The following SLITRK1 variants were observed in gnomAD, a reference collection of about 807,000 sequenced individuals.
The protein encoded by SLITRK1 is SLIT and NTRK like family member 1.
A neutral mutation model predicts 42.4 loss-of-function variants in SLITRK1; 10 were observed. That is an observed-to-expected ratio of 0.24 (90% confidence interval 0.15 to 0.40). The LOEUF is 0.40. SLITRK1 is among the 10% of genes least tolerant of loss of function. SLITRK1 has a pLI of 1.00. For synonymous variants in SLITRK1, 389 were observed against 365.7 expected (o/e 1.06, Z -0.73); for missense variants, 778 against 848.8 (o/e 0.92, Z 1.04).
chr13:83,881,469 A>G lies in SLITRK1; in HGVS notation c.39T>C (p.Cys13=). The change falls in exon 2 of 2, where the codon TGT becomes TGC. Residue 13 remains cysteine (C), a synonymous_variant. Coordinates refer to ENST00000674365, the MANE Select transcript of SLITRK1 (RefSeq NM_001281503.2). The part of the protein sequence containing the change: ...LWILLLETSL[C]FAAGNVTGDV... ...CCCCTGTAACGTTTCCAGCGGCAAAACAAAGAGACGTCTCCAGCAACAGAA... is the reference window on the plus strand; with the variant it reads ...CCCCTGTAACGTTTCCAGCGGCAAAGCAAAGAGACGTCTCCAGCAACAGAA... 6.2e-7 allele frequency: 1 copy of G among 1,614,014 alleles called. No homozygotes were observed. Among genetic ancestry groups the G allele is most frequent in the Non-Finnish European group, 8.5e-7 (1 of 1,180,024 alleles).
Position 83,879,949 on chromosome 13 carries a change from G to A in SLITRK1, c.1559C>T (p.Ser520Phe). Residue 520 changes from serine to phenylalanine, a missense_variant, in exon 2 of 2, where the codon TCC (serine) becomes TTC (phenylalanine). Coordinates refer to ENST00000674365, the MANE Select transcript of SLITRK1 (RefSeq NM_001281503.2). ...TCCGTGGAGGTCTATCTGGATGATG[G>A]AGGTTAACTGGTCCAGCACCCCTGC... ...PVAGVLDQLT[S>F]IIQIDLHGNP... is the part of the protein sequence containing the mutation. The A allele has an allele frequency of 6.2e-7, 1 of 1,614,076 alleles. No homozygotes were observed. The highest frequency in any genetic ancestry group is 8.5e-7 in the Non-Finnish European group (1 of 1,180,022).
Position 83,878,257 on chromosome 13 carries a change from C to T in SLITRK1, c.*1160G>A, listed in dbSNP as rs9602286. Reference sequence around the variant, plus strand: ...GGACCCAGAGTTGAAAACATTTTCGCTTTAATACTGAAAAAATATGCCATT... The same window carrying T: ...GGACCCAGAGTTGAAAACATTTTCGTTTTAATACTGAAAAAATATGCCATT... On this transcript the variant is annotated 3_prime_UTR_variant, in exon 2 of 2. Coordinates refer to ENST00000674365, the MANE Select transcript of SLITRK1 (RefSeq NM_001281503.2). 8,287 of 152,532 alleles carry T rather than the reference C, an allele frequency of 0.054. 483 individuals are homozygous for T. The highest frequency in any genetic ancestry group is 0.14 in the African/African-American group (5,923 of 41,466). The allele number at this position is 152,532 out of a possible 1,614,324, so 9.4% of individuals were successfully genotyped here. A position where few individuals can be genotyped will look rare whatever the true frequency, so the allele number is the denominator to read the frequency against.
rs1254941771 is a variant in SLITRK1, at chr13:83,879,234, G to A, written c.*183C>T. ...CTCCACAGTCTGCTCTTTGTTTCAAGGAGGGAGCTAAGTAAGGGGTCAGGC... is the reference window on the plus strand; with the variant it reads ...CTCCACAGTCTGCTCTTTGTTTCAAAGAGGGAGCTAAGTAAGGGGTCAGGC... On this transcript the variant is annotated 3_prime_UTR_variant, in exon 2 of 2. Transcript: ENST00000674365. 1.4e-5 allele frequency: 10 copies of A among 691,776 alleles called. No individual in the cohort carries two copies. Among genetic ancestry groups the A allele is most frequent in the Non-Finnish European group, 2.4e-5 (10 of 411,176 alleles). 42.9% of individuals were successfully genotyped at this position (691,776 alleles called of 1,614,324 possible). A position where few individuals can be genotyped will look rare whatever the true frequency, so the allele number is the denominator to read the frequency against.
rs1212752482 is a variant in SLITRK1 at position 83,880,238 on chromosome 13, C to T, written c.1270G>A (p.Asp424Asn). 1 of 1,613,980 alleles carries T rather than the reference C, an allele frequency of 6.2e-7. No homozygotes were observed. The highest frequency in any genetic ancestry group is 8.5e-7 in the Non-Finnish European group (1 of 1,180,020). The change falls in exon 2 of 2, where the codon GAC (aspartate) becomes AAC (asparagine). Residue 424 changes from aspartate (D) to asparagine (N), a missense_variant. Around this residue, in one of 4 missense-constraint regions of SLITRK1, gnomAD observed 395 missense variants for 360.4 expected, o/e 1.10. Coordinates refer to ENST00000674365, the MANE Select transcript of SLITRK1 (RefSeq NM_001281503.2). ...VENNTFKNLL[D>N]LRWLYMDSNY... ...CTATCCATGTATAGCCACCTGAGGT[C>T]CAAAAGGTTCTTGAAAGTGTTGTTC...
In SLITRK1 at chr13:83,879,724, T is replaced by C; in HGVS notation, c.1784A>G (p.Asn595Ser). 6.2e-7 allele frequency: 1 copy of C among 1,613,732 alleles called. No homozygotes were observed. Among genetic ancestry groups the C allele is most frequent in the Non-Finnish European group, 8.5e-7 (1 of 1,179,956 alleles). Reference sequence around the variant, plus strand: ...CCCGGTCTCCGCCAACCCAGTGCTGTTTTTACTGTGCGAAGTTAACGTGGG... The same window carrying C: ...CCCGGTCTCCGCCAACCCAGTGCTGCTTTTACTGTGCGAAGTTAACGTGGG... The part of the protein sequence containing the change: ...ISPTLTSHSK[N>S]STGLAETGTH... The change falls in exon 2 of 2, where the codon AAC becomes AGC. Residue 595 changes from asparagine to serine, a missense_variant. Around this residue, in one of 4 missense-constraint regions of SLITRK1, gnomAD observed 164 missense variants for 158.2 expected, o/e 1.04. Coordinates refer to ENST00000674365, the MANE Select transcript of SLITRK1 (RefSeq NM_001281503.2).
At position 83,879,697 on chromosome 13, in the gene SLITRK1, G is replaced by T. The variant is rs766912287; in HGVS notation, c.1811C>A (p.Thr604Lys). Residue 604 changes from threonine to lysine, a missense_variant, in exon 2 of 2, where the codon ACG becomes AAG. Thr to Lys is a moderately conservative substitution (Grantham distance 78). Coordinates refer to ENST00000674365, the MANE Select transcript of SLITRK1 (RefSeq NM_001281503.2). ...KNSTGLAETG[T>K]HSNSYLDTSR... ...GGTGTCTAGGTAGGAGTTGGAGTGC[G>T]TCCCGGTCTCCGCCAACCCAGTGCT... 9 of 1,613,826 alleles carry T rather than the reference G, an allele frequency of 5.6e-6. No individual in the cohort carries two copies. The highest frequency in any genetic ancestry group is 7.6e-6 in the Non-Finnish European group (9 of 1,180,002).
chr13:83,881,075 T>C lies in SLITRK1; in HGVS notation c.433A>G (p.Ile145Val). 1.2e-6 allele frequency: 2 copies of C among 1,614,066 alleles called. No homozygotes were observed. The highest frequency in any genetic ancestry group is 1.7e-6 in the Non-Finnish European group (2 of 1,180,024). ...LQADFNLLRDIDPGAFQDLNK... is the reference protein window; with the variant it reads ...LQADFNLLRDVDPGAFQDLNK... ...AAGTCCTGGAAGGCCCCCGGGTCTATATCTCGTAATAAATTAAAATCAGCC... is the reference window on the plus strand; with the variant it reads ...AAGTCCTGGAAGGCCCCCGGGTCTACATCTCGTAATAAATTAAAATCAGCC... Residue 145 changes from isoleucine to valine, a missense_variant, in exon 2 of 2, where the codon ATA becomes GTA. Ile to Val is a conservative substitution (Grantham distance 29, BLOSUM62 3). Around this residue, in one of 4 missense-constraint regions of SLITRK1, gnomAD observed 204 missense variants for 295.3 expected, o/e 0.69. Coordinates refer to ENST00000674365, the MANE Select transcript of SLITRK1 (RefSeq NM_001281503.2).
chr13:83,881,638 G>T, intron 1 of SLITRK1, 78 bp from the exon 2 acceptor site: 2 of 1,049,394 alleles, frequency 1.9e-6, no homozygotes, highest in South Asian at 1.4e-5. Context: ...AAAGGGTTTG[G>T]GGGGGTGGGG....
chr13:83,877,630 G>A lies in SLITRK1; in HGVS notation c.*1787C>T, dbSNP rs1594116260. The A allele has an allele frequency of 8.4e-6, 1 of 118,652 alleles. No individual in the cohort carries two copies. The highest frequency in any genetic ancestry group is 1.6e-5 in the Non-Finnish European group (1 of 62,450). The allele number at this position is 118,652 out of a possible 1,614,324, so 7.3% of individuals were successfully genotyped here. ...GAGAGAAACACTTCTTTAGGATAAT[G>A]ATTAATTTCCATAAAGATGAGTGCT... is the stretch of plus-strand genomic sequence containing the variant. On this transcript the variant is annotated 3_prime_UTR_variant, in exon 2 of 2. Transcript: ENST00000674365.
At position 83,881,223 on chromosome 13, in the gene SLITRK1, A is replaced by T. The variant is rs1433982988; in HGVS notation, c.285T>A (p.His95Gln). The T allele has an allele frequency of 6.2e-7, 1 of 1,614,160 alleles. No individual in the cohort carries two copies. ...CCAGAAAAGCCCCCGGAACGATTTC[A>T]TGCAAGCCATTGTTTTCCATGTGCA... ...VSLHMENNGL[H>Q]EIVPGAFLGL... The change falls in exon 2 of 2, where the codon CAT (histidine) becomes CAA (glutamine). Residue 95 changes from histidine to glutamine, a missense_variant. By Grantham distance (24) the His-to-Gln change is conservative. This residue lies in a region of SLITRK1 where 204 missense variants were observed against 295.3 expected (regional missense o/e 0.69). Transcript: ENST00000674365.
In SLITRK1 at chr13:83,879,798, C is replaced by A. The variant is rs1433721280; in HGVS notation, c.1710G>T (p.Met570Ile). 2.5e-6 allele frequency: 4 copies of A among 1,613,972 alleles called. No homozygotes were observed. In the African/African-American group the frequency reaches 4.0e-5, roughly 16 times the overall value. The stretch of plus-strand genomic sequence containing the variant: ...GGCAGATCTCGTCATTGGAGAGGAG[C>A]ATGAAATCCTTTCTAAAGAAGTTCA... ...TPVNFFRKDF[M>I]LLSNDEICPQ... Residue 570 changes from methionine (M) to isoleucine (I), a missense_variant, in exon 2 of 2, where the codon ATG becomes ATT. This residue lies in a region of SLITRK1 where 164 missense variants were observed against 158.2 expected (regional missense o/e 1.04). Transcript: ENST00000674365.
rs1305465536 is a variant in SLITRK1, at chr13:83,879,433, T to C, written c.2075A>G (p.His692Arg). 2 of 1,613,162 alleles carry C rather than the reference T, an allele frequency of 1.2e-6. No individual in the cohort carries two copies. The highest frequency in any genetic ancestry group is 1.7e-6 in the Non-Finnish European group (2 of 1,179,998). The change falls in exon 2 of 2, where the codon CAC (histidine) becomes CGC (arginine). Residue 692 changes from histidine (H) to arginine (R), a missense_variant. His to Arg is a conservative substitution (Grantham distance 29). This residue lies in a region of SLITRK1 where 164 missense variants were observed against 158.2 expected (regional missense o/e 1.04). Coordinates refer to ENST00000674365, the MANE Select transcript of SLITRK1 (RefSeq NM_001281503.2). ...GTTGGGGTCTTAGTCTGAGAGCGAG[T>C]GAGAGCCACAGTCATACACTCTGTG... ...GAHRVYDCGS[H>R]SLSD
rs745478522 is a variant in SLITRK1, at chr13:83,880,188, C to T, written c.1320G>A (p.Arg440=). Residue 440 remains arginine, a synonymous_variant, in exon 2 of 2, where the codon CGG becomes CGA. Coordinates refer to ENST00000674365, the MANE Select transcript of SLITRK1 (RefSeq NM_001281503.2). ...MDSNYLDTLS[R]EKFAGLQNLE... is the part of the protein sequence containing the mutation. Reference sequence around the variant, plus strand: ...GGTTTTGCAGCCCCGCGAATTTCTCCCGGGACAGCGTGTCCAGGTAATTGC... The same window carrying T: ...GGTTTTGCAGCCCCGCGAATTTCTCTCGGGACAGCGTGTCCAGGTAATTGC... 6.2e-6 allele frequency: 10 copies of T among 1,614,024 alleles called. No individual in the cohort carries two copies. Among genetic ancestry groups the T allele is most frequent in the Non-Finnish European group, 7.6e-6 (9 of 1,180,010 alleles).
rs1326095420 is a variant in SLITRK1, at chr13:83,878,804, T to C, written c.*613A>G. 1.3e-5 allele frequency: 2 copies of C among 153,982 alleles called. No individual in the cohort carries two copies. Among genetic ancestry groups the C allele is most frequent in the Non-Finnish European group, 2.9e-5 (2 of 69,072 alleles). 9.5% of individuals were successfully genotyped at this position (153,982 alleles called of 1,614,324 possible). A position where few individuals can be genotyped will look rare whatever the true frequency, so the allele number is the denominator to read the frequency against. On this transcript the variant is annotated 3_prime_UTR_variant, in exon 2 of 2. Coordinates refer to ENST00000674365, the MANE Select transcript of SLITRK1 (RefSeq NM_001281503.2). ...TATAGAAAGTTTGATACGATGGAAC[T>C]TATCAGGTAAGAGGGTGGGTGCTGT...
Position 83,880,826 on chromosome 13 carries a change from C to A in SLITRK1, c.682G>T (p.Glu228Ter). The change falls in exon 2 of 2, where the codon GAA becomes TAA. Residue 228 changes from glutamate (E) to a stop codon, truncating the protein, a stop_gained. Coordinates refer to ENST00000674365, the MANE Select transcript of SLITRK1 (RefSeq NM_001281503.2). LOFTEE classifies it high-confidence loss of function. ...ATCAGGGCATTCTTGGGAATGTTTT[C>A]CAGCCATTCTTTCAGGGAGAGCAGA... ...CDLLSLKEWL[E>*]NIPKNALIGR... is the part of the protein sequence containing the mutation. The A allele has an allele frequency of 6.2e-7, 1 of 1,614,116 alleles. No homozygotes were observed. The highest frequency in any genetic ancestry group is 8.5e-7 in the Non-Finnish European group (1 of 1,180,030).
chr13:83,880,620 C>G lies in SLITRK1; in HGVS notation c.888G>C (p.Glu296Asp). Residue 296 changes from glutamate (E) to aspartate (D), a missense_variant, in exon 2 of 2, where the codon GAG (glutamate) becomes GAC (aspartate). By Grantham distance (45) the Glu-to-Asp change is conservative (BLOSUM62 2). Around this residue, in one of 4 missense-constraint regions of SLITRK1, gnomAD observed 395 missense variants for 360.4 expected, o/e 1.10. Transcript: ENST00000674365. ...GAGCAGACCCTGGTGTGGCATGATCCTCTTGCCCATTTGTCTTGAAAGGAG... is the reference window on the plus strand; with the variant it reads ...GAGCAGACCCTGGTGTGGCATGATCGTCTTGCCCATTTGTCTTGAAAGGAG... ...LPTPFKTNGQ[E>D]DHATPGSAPN... 1.2e-6 allele frequency: 2 copies of G among 1,614,132 alleles called. No homozygotes were observed. The highest frequency in any genetic ancestry group is 1.7e-6 in the Non-Finnish European group (2 of 1,180,038).
In SLITRK1 at chr13:83,881,545, A is replaced by G; in HGVS notation, c.-38T>C. The stretch of plus-strand genomic sequence containing the variant: ...CAATTCATCCCCGATCTCATCACAA[A>G]GTAACAGCGACCATCCTGCTCGCCA... On this transcript the variant is annotated 5_prime_UTR_variant, in exon 2 of 2. Coordinates refer to ENST00000674365, the MANE Select transcript of SLITRK1 (RefSeq NM_001281503.2). The G allele has an allele frequency of 6.3e-7, 1 of 1,593,520 alleles. No individual in the cohort carries two copies. The highest frequency in any genetic ancestry group is 8.6e-7 in the Non-Finnish European group (1 of 1,166,894).
In SLITRK1 at chr13:83,881,378, T is replaced by C; in HGVS notation, c.130A>G (p.Lys44Glu). The C allele has an allele frequency of 6.2e-7, 1 of 1,614,114 alleles. No individual in the cohort carries two copies. Residue 44 changes from lysine (K) to glutamate (E), a missense_variant, in exon 2 of 2, where the codon AAA becomes GAA. Transcript: ENST00000674365. ...CGCTGCAGACTTGTGAAGCCCTTTTTTTCACAGTCTACGTGTAGGTCCCCT... is the reference window on the plus strand; with the variant it reads ...CGCTGCAGACTTGTGAAGCCCTTTTCTTCACAGTCTACGTGTAGGTCCCCT... ...IEGDLHVDCE[K>E]KGFTSLQRFT...
chr13:83,880,308 G>A lies in SLITRK1; in HGVS notation c.1200C>T (p.Asn400=). The A allele has an allele frequency of 6.2e-7, 1 of 1,613,856 alleles. No individual in the cohort carries two copies. Among genetic ancestry groups the A allele is most frequent in the Admixed American group, 1.7e-5 (1 of 59,974 alleles). The change falls in exon 2 of 2, where the codon AAC becomes AAT. Residue 400 remains asparagine (N), a synonymous_variant. Transcript: ENST00000674365. ...TGTTGCCCAGATCCAACAGAATGAGGTTCTTGTAATCCACAAAGTGCGATT... is the reference window on the plus strand; with the variant it reads ...TGTTGCCCAGATCCAACAGAATGAGATTCTTGTAATCCACAAAGTGCGATT... The part of the protein sequence containing the change: ...IRKSHFVDYK[N]LILLDLGNNN...
Sources: allele counts gnomAD v4.1 joint callset, GRCh38; gene constraint gnomAD v4.1.1; regional missense constraint gnomAD v4.1.1; transcripts MANE v1.5; gene names NCBI Gene and HGNC (gene_info 2026-07-23, HGNC 2026-07-21).